The following CAD variants were observed in gnomAD, a reference collection of about 807,000 sequenced individuals.
CAD encodes the protein carbamoyl-phosphate synthetase 2, aspartate transcarbamylase, and dihydroorotase.
Under a neutral mutation model 237.2 loss-of-function variants are expected in CAD, and 81 were observed. The ratio of observed to expected loss-of-function variants is 0.34; its 90% CI spans 0.29 to 0.41. CAD has a LOEUF of 0.41. CAD is among the 10% of genes least tolerant of loss of function. The probability of loss-of-function intolerance (pLI) is 1.00; values close to 1 mark genes in which losing one functional copy is unlikely to be tolerated. For missense variants in CAD, 2,181 were observed against 2,951.7 expected (o/e 0.74, Z 6.05); for synonymous variants, 1,196 against 1,162.8 (o/e 1.03, Z -0.58).
rs1675991491 is a variant in CAD at position 27,236,169 on chromosome 2, C to G, written c.4075-115C>G. The G allele has an allele frequency of 2.8e-6, 4 of 1,406,072 alleles. No homozygotes were observed. The Admixed American group carries it at 8.8e-5, about 31-fold the overall frequency. The allele number at this position is 1,406,072 out of a possible 1,614,324, so 87.1% of individuals were successfully genotyped here. ...ATAGAGGCAGCCCTCAGTGCCCACC[C>G]TATGGGTCCTCAGTCTCCTCATCAT... On this transcript the variant is annotated intron_variant, in intron 25 of 43. Coordinates refer to ENST00000264705, the MANE Select transcript of CAD (RefSeq NM_004341.5). The surrounding 1 kb of genome is among the most constrained non-coding windows in gnomAD (Gnocchi z 4.1).
intron 2 of CAD, among the ~76,000 whole-genome samples, chr2:27,218,274 C>T (rs1247018143): frequency 2.0e-5 from 3 of 152,156 alleles, no homozygotes; most frequent in African/African-American, 7.2e-5. Context: ...TAGCTGAAAG[C>T]ATTCTGTATG....
intron 2 of CAD, among the ~76,000 whole-genome samples, chr2:27,218,434 C>G (rs1275537): frequency 0.57 from 86,191 of 152,006 alleles, 27,952 homozygotes; most frequent in East Asian, 0.86. Context: ...GCAGAGTCAG[C>G]TTAGTTTGGT....
At position 27,242,364 on chromosome 2, in the gene CAD, C is replaced by G. The variant is rs1676364133; in HGVS notation, c.6159C>G (p.Pro2053=). Residue 2053 remains proline, a synonymous_variant, in exon 40 of 44, where the codon CCC becomes CCG. Transcript: ENST00000264705. The surrounding 1 kb of genome is among the most constrained non-coding windows in gnomAD (Gnocchi z 6.4). ...INAGDGVGEH[P]TQALLDIFTI... is the part of the protein sequence containing the mutation. ...CTGGGGATGGGGTCGGAGAGCACCC[C>G]ACCCAGGCCCTGCTGGACATCTTCA... 1 of 1,613,936 alleles carries G rather than the reference C, an allele frequency of 6.2e-7. No individual in the cohort carries two copies. The highest frequency in any genetic ancestry group is 1.7e-5 in the Admixed American group (1 of 59,990).
intron 8 of CAD, 66 bp downstream of exon 8, chr2:27,224,095 G>A (rs1675316352): frequency 1.6e-6 from 2 of 1,215,758 alleles, no homozygotes; most frequent in Non-Finnish European, 1.2e-6. Flanking sequence ...TGGGCATAAG[G>A]TGGACATGCC....
At chr2:27,229,856 C>A (rs1675640336) in intron 15 of CAD, among the ~76,000 whole-genome samples, 1 of 132,088 alleles carries the variant, frequency 7.6e-6, no homozygotes, top group African/African-American at 2.9e-5. Context: ...GCCTGGGCAA[C>A]ACAGTGAGAC....
Position 27,240,987 on chromosome 2 carries a change from G to A in CAD, c.5638+32G>A, listed in dbSNP as rs376060036. 5.6e-6 allele frequency: 9 copies of A among 1,613,862 alleles called. No homozygotes were observed. In the East Asian group the frequency reaches 8.9e-5, roughly 16 times the overall value. ...CTCCACCCTGACACACACTCACCTCGGGGACCTCTGATCTGGCCTTGGTAG... is the reference window on the plus strand; with the variant it reads ...CTCCACCCTGACACACACTCACCTCAGGGACCTCTGATCTGGCCTTGGTAG... On this transcript the variant is annotated intron_variant, in intron 36 of 43. Coordinates refer to ENST00000264705, the MANE Select transcript of CAD (RefSeq NM_004341.5). The surrounding 1 kb of genome is among the most constrained non-coding windows in gnomAD (Gnocchi z 4.6).
Position 27,226,587 on chromosome 2 carries a change from AGGTTATCCACT to A in CAD, c.2097_2107del (p.Tyr700LeufsTer14), listed in dbSNP as rs1675453097. 1 of 1,613,968 alleles carries A rather than the reference AGGTTATCCACT, an allele frequency of 6.2e-7. No individual in the cohort carries two copies. The highest frequency in any genetic ancestry group is 8.5e-7 in the Non-Finnish European group (1 of 1,179,960). On this transcript the variant is annotated frameshift_variant, in exon 14 of 44. Coordinates refer to ENST00000264705, the MANE Select transcript of CAD (RefSeq NM_004341.5). LOFTEE classifies it high-confidence loss of function. ...GCTCTGCCCTGGCCAGTAAGGCCACAGGTTATCCACTGGCTTATGTGGCAGCCAAGCTAGCA... is the reference window on the plus strand; with the variant it reads ...GCTCTGCCCTGGCCAGTAAGGCCACAGGCTTATGTGGCAGCCAAGCTAGCA...
chr2:27,220,882 C>T (rs544813870), intron 2 of CAD, among the ~76,000 whole-genome samples: 68 of 152,086 alleles, frequency 4.5e-4, no homozygotes, highest in African/African-American at 1.4e-3. Context: ...TGCTTGAATC[C>T]GGGAGGCAGA....
chr2:27,225,959 C>G, intron 12 of CAD, 33 bp downstream of exon 12: 1 of 1,594,910 alleles, frequency 6.3e-7, no homozygotes, highest in Non-Finnish European at 8.6e-7. Flanking sequence ...GGCGTCGTGT[C>G]AGGCAGGATG....
Position 27,223,584 on chromosome 2 carries a change from C to T in CAD, c.831C>T (p.Asn277=), listed in dbSNP as rs1403987219. The change falls in exon 7 of 44, where the codon AAC becomes AAT. Residue 277 remains asparagine, a synonymous_variant. Transcript: ENST00000264705. ...YKMRYGNRGH[N]QPCLLVGSGR... ...CCAGATATGGGAACCGAGGCCATAA[C>T]CAGCCCTGCTTGTTGGTGGGCTCTG... 1 of 1,613,140 alleles carries T rather than the reference C, an allele frequency of 6.2e-7. No homozygotes were observed. The highest frequency in any genetic ancestry group is 8.5e-7 in the Non-Finnish European group (1 of 1,180,012).
At chr2:27,219,937 A>G (rs548888161) in intron 2 of CAD, among the ~76,000 whole-genome samples, 2 of 152,158 alleles carry the variant, frequency 1.3e-5, no homozygotes, top group Admixed American at 6.5e-5. Flanking sequence ...CATGCTTAGT[A>G]TTGTGCCCTG....
intron 3 of CAD, among the ~76,000 whole-genome samples, chr2:27,221,642 C>G (rs1426279414): frequency 6.6e-6 from 1 of 151,042 alleles, no homozygotes; most frequent in Admixed American, 6.6e-5. Flanking sequence ...ACAAATAGTT[C>G]AATATCTATG....
At position 27,241,796 on chromosome 2, in the gene CAD, G is replaced by T; in HGVS notation, c.5884-115G>T. 1.3e-6 allele frequency: 1 copy of T among 775,114 alleles called. No individual in the cohort carries two copies. The highest frequency in any genetic ancestry group is 1.7e-5 in the South Asian group (1 of 59,232). The allele number at this position is 775,114 out of a possible 1,614,324, so 48.0% of individuals were successfully genotyped here. A position where few individuals can be genotyped will look rare whatever the true frequency, so the allele number is the denominator to read the frequency against. ...CTGACAGGTCACAGGGGAGGTTTGGGTGCAGAAGGGTCCTCACAGCACCCC... is the reference window on the plus strand; with the variant it reads ...CTGACAGGTCACAGGGGAGGTTTGGTTGCAGAAGGGTCCTCACAGCACCCC... On this transcript the variant is annotated intron_variant, in intron 38 of 43. Coordinates refer to ENST00000264705, the MANE Select transcript of CAD (RefSeq NM_004341.5). The surrounding 1 kb of genome is among the most constrained non-coding windows in gnomAD (Gnocchi z 4.6).
At position 27,242,126 on chromosome 2, in the gene CAD, G is replaced by A; in HGVS notation, c.6096+3G>A. 1.9e-6 allele frequency: 3 copies of A among 1,612,366 alleles called. No individual in the cohort carries two copies. Among genetic ancestry groups the A allele is most frequent in the Non-Finnish European group, 2.5e-6 (3 of 1,179,820 alleles). ...ACCCCCAGCCTGGAGCAGTGGAGGTGAGGCCAGCCTGGGTACTGAGATGGG... is the reference window on the plus strand; with the variant it reads ...ACCCCCAGCCTGGAGCAGTGGAGGTAAGGCCAGCCTGGGTACTGAGATGGG... On this transcript the variant is annotated splice_donor_region_variant and intron_variant, in intron 39 of 43. Transcript: ENST00000264705. The surrounding 1 kb of genome is among the most constrained non-coding windows in gnomAD (Gnocchi z 6.4).
Position 27,217,477 on chromosome 2 carries a change from C to T in CAD, c.-75C>T. On this transcript the variant is annotated 5_prime_UTR_variant, in exon 1 of 44. Coordinates refer to ENST00000264705, the MANE Select transcript of CAD (RefSeq NM_004341.5). The stretch of plus-strand genomic sequence containing the variant: ...ACGTGGACCGACTCCGGCGCGCCGT[C>T]CTCACGTGGTTCCAGTGGAGTTTGC... 1.5e-6 allele frequency: 2 copies of T among 1,296,756 alleles called. No individual in the cohort carries two copies. The highest frequency in any genetic ancestry group is 4.9e-4 in the Middle Eastern group (2 of 4,080). 80.3% of individuals were successfully genotyped at this position (1,296,756 alleles called of 1,614,324 possible).
In CAD at chr2:27,226,948, G is replaced by A; in HGVS notation, c.2273G>A (p.Cys758Tyr). 2 of 1,614,178 alleles carry A rather than the reference G, an allele frequency of 1.2e-6. No homozygotes were observed. Among genetic ancestry groups the A allele is most frequent in the Non-Finnish European group, 1.7e-6 (2 of 1,180,010 alleles). ...FLRVSTKIGS[C>Y]MKSVGEVMGI... is the part of the protein sequence containing the mutation. ...CGAGTCAGCACAAAGATTGGGAGCT[G>A]CATGAAGAGCGTTGGTGAGACTCAT... The change falls in exon 15 of 44, where the codon TGC becomes TAC. Residue 758 changes from cysteine to tyrosine, a missense_variant. Cys to Tyr is a radical substitution (Grantham distance 194). Transcript: ENST00000264705.
At position 27,226,513 on chromosome 2, in the gene CAD, C is replaced by T; in HGVS notation, c.2032-12C>T. 6.2e-7 allele frequency: 1 copy of T among 1,613,884 alleles called. No homozygotes were observed. The highest frequency in any genetic ancestry group is 8.5e-7 in the Non-Finnish European group (1 of 1,179,818). On this transcript the variant is annotated splice_polypyrimidine_tract_variant and intron_variant, in intron 13 of 43. Transcript: ENST00000264705. The stretch of plus-strand genomic sequence containing the variant: ...TCTTCTAGGCCAGTGACTTTATTCT[C>T]CTTCTTTGCAGTATTACATCATTGA...
chr2:27,233,045 G>C lies in CAD; in HGVS notation c.2896G>C (p.Gly966Arg). 6.2e-7 allele frequency: 1 copy of C among 1,604,904 alleles called. No individual in the cohort carries two copies. The highest frequency in any genetic ancestry group is 8.5e-7 in the Non-Finnish European group (1 of 1,171,638). ...VGCIQQLRKMGYKTIMVNYNP... is the reference protein window; with the variant it reads ...VGCIQQLRKMRYKTIMVNYNP... Reference sequence around the variant, plus strand: ...ACCCTTCCCCTCCCTCTTGCAGATGGGATATAAGACCATCATGGTGAACTA... The same window carrying C: ...ACCCTTCCCCTCCCTCTTGCAGATGCGATATAAGACCATCATGGTGAACTA... Residue 966 changes from glycine to arginine, a missense_variant, in exon 19 of 44, where the codon GGA becomes CGA. Gly to Arg is a moderately radical substitution (Grantham distance 125, BLOSUM62 -2). Transcript: ENST00000264705. This position sits in a 1 kb window ranked among gnomAD's most constrained non-coding sequence, Gnocchi z 6.3.
intron 2 of CAD, among the ~76,000 whole-genome samples, chr2:27,219,591 T>A (rs1013396874): frequency 2.4e-4 from 37 of 152,234 alleles, no homozygotes; most frequent in Admixed American, 1.6e-3. Context: ...AATTTTTTTT[T>A]ATTTTTATTT....
Sources: allele counts gnomAD v4.1 joint callset (sites outside exome capture counted in the v4.1 genomes callset), GRCh38; gene constraint gnomAD v4.1.1; non-coding constraint Gnocchi (gnomAD v3.1); transcripts MANE v1.5; gene names NCBI Gene and HGNC (gene_info 2026-07-23, HGNC 2026-07-21).